The following MTERF4 variants were observed in gnomAD, a reference collection of about 807,000 sequenced individuals.
The protein encoded by MTERF4 is transcription termination factor 4, mitochondrial.
A neutral mutation model predicts 22.5 loss-of-function variants in MTERF4; 17 were observed. The observed-to-expected ratio is 0.75, with a 90% CI of 0.52 to 1.13. The LOEUF (loss-of-function observed/expected upper bound fraction) is 1.13, where lower values mean the gene tolerates loss of function less well. Ranked by LOEUF, MTERF4 falls within the 50% of genes most tolerant of loss-of-function variation. The pLI is 0.00. For synonymous variants in MTERF4, 165 were observed against 175.3 expected (o/e 0.94, Z 0.47); for missense variants, 420 against 466.8 (o/e 0.90, Z 0.92).
the MTERF4 span, among the ~76,000 whole-genome samples, chr2:241,052,775 ATGCTGGTGT>A: frequency 0.015 from 1,673 of 112,270 alleles, 100 homozygotes; most frequent in East Asian, 0.09. Flanking sequence ...GGTACATGGG[ATGCTGGTGT>A]CAGGCAGGTA....
downstream of MTERF4, chr2:241,069,771 C>T: frequency 1.1e-6 from 1 of 904,594 alleles, no homozygotes; most frequent in Non-Finnish European, 1.6e-6. The surrounding 1 kb of genome is among the most constrained non-coding windows in gnomAD (Gnocchi z 4.9). Context: ...TGCCAGCCCA[C>T]ACCCCGCCTC....
downstream of MTERF4, chr2:241,089,507 A>C: frequency 1.4e-6 from 2 of 1,406,178 alleles, no homozygotes; most frequent in South Asian, 1.4e-5. Flanking sequence ...GGAGCTCCGC[A>C]CATGGCAGGA....
At chr2:241,062,798 TG>T in the MTERF4 span, 1 of 1,608,844 alleles carries the variant, frequency 6.2e-7, no homozygotes, top group Non-Finnish European at 8.5e-7. Flanking sequence ...CAGAAATCGA[TG>T]AGTGCCGGTC....
exon 5 of MTERF4, chr2:241,074,691 C>T (rs2125262549): frequency 1.3e-5 from 2 of 152,328 alleles, no homozygotes; most frequent in Non-Finnish European, 2.9e-5. Context: ...GAAAAGTAGA[C>T]TCTTTAATGG....
intron 4 of MTERF4, among the ~76,000 whole-genome samples, chr2:241,078,723 G>T (rs1472576360): frequency 6.6e-6 from 1 of 151,884 alleles, no homozygotes; most frequent in Non-Finnish European, 1.5e-5. Context: ...TGTGCTGATG[G>T]ATGCCTGTAT....
chr2:241,099,848 G>A lies in MTERF4; in HGVS notation c.68C>T (p.Ala23Val). Residue 23 changes from alanine (A) to valine (V), a missense_variant, in exon 2 of 4, where the codon GCT (alanine) becomes GTT (valine). By Grantham distance (64) the Ala-to-Val change is moderately conservative. Transcript: ENST00000391980. ...RLIPLTWACM[A>V]RQTPHLGEQR... ...TTCTCCAAGATGAGGAGTCTGCCTA[G>A]CCATACAGGCCCAGGTGAGGGGGAT... 1 of 1,613,896 alleles carries A rather than the reference G, an allele frequency of 6.2e-7. No homozygotes were observed. The highest frequency in any genetic ancestry group is 1.7e-5 in the Admixed American group (1 of 60,008).
chr2:241,055,372 T>C, the MTERF4 span, among the ~76,000 whole-genome samples: 1 of 152,160 alleles, frequency 6.6e-6, no homozygotes, highest in Non-Finnish European at 1.5e-5. Flanking sequence ...AGTTTTAACT[T>C]CCAGAGGGAA....
chr2:241,094,493 CACCT>C, downstream of MTERF4: 1 of 454,712 alleles, frequency 2.2e-6, no homozygotes, highest in Non-Finnish European at 4.6e-6. The surrounding 1 kb of genome is among the most constrained non-coding windows in gnomAD (Gnocchi z 4.3). Context: ...ATGCAGCTCA[CACCT>C]ACCAGGGGTA....
downstream of MTERF4, chr2:241,071,933 C>T: frequency 7.3e-7 from 1 of 1,375,204 alleles, no homozygotes; most frequent in Non-Finnish European, 1.0e-6. Flanking sequence ...TCCTCACTGC[C>T]ACTCTCACCA....
At chr2:241,071,417 G>T, downstream of MTERF4, 1 of 778,898 alleles carries the variant, frequency 1.3e-6, no homozygotes, top group Non-Finnish European at 2.0e-6. Flanking sequence ...GGGCATCTGG[G>T]GAAGCCACAA....
chr2:241,071,727 GC>G (rs746882591), downstream of MTERF4: 1 of 1,153,902 alleles, frequency 8.7e-7, no homozygotes, highest in East Asian at 2.8e-5. Flanking sequence ...CCAGGTACAT[GC>G]CCCACCCATC....
the MTERF4 span, among the ~76,000 whole-genome samples, chr2:241,059,843 C>G: frequency 6.6e-6 from 1 of 152,114 alleles, no homozygotes; most frequent in African/African-American, 2.4e-5. Flanking sequence ...ACCTGGAATC[C>G]GTACAAGGCA....
chr2:241,056,580 A>ATTTTTTTTTTTTTTTTT, the MTERF4 span, among the ~76,000 whole-genome samples: 5 of 111,224 alleles, frequency 4.5e-5, no homozygotes, highest in Non-Finnish European at 6.7e-5. Context: ...AATAAGTGAA[A>ATTTTTTTTTTTTTTTTT]TTTTTTTTTT....
At chr2:241,082,273 G>T, downstream of MTERF4, 1 of 1,601,446 alleles carries the variant, frequency 6.2e-7, no homozygotes, top group Non-Finnish European at 8.5e-7. Context: ...CTTCTTTGTC[G>T]CAGCCTGTAT....
chr2:241,063,142 G>C, the MTERF4 span, among the ~76,000 whole-genome samples: 24,348 of 152,326 alleles, frequency 0.16, 1,992 homozygotes, highest in East Asian at 0.23. Context: ...TCAGGGCGCA[G>C]AGAAGGTGGG....
the MTERF4 span, among the ~76,000 whole-genome samples, chr2:241,050,842 C>T: frequency 2.6e-5 from 4 of 152,086 alleles, no homozygotes; most frequent in Non-Finnish European, 4.4e-5. Context: ...GGGGGTCCTA[C>T]CAGAGCCCAC....
At position 241,102,241 on chromosome 2, in the gene MTERF4, G is replaced by A. The variant is rs1241617019; in HGVS notation, c.21+12C>T. On this transcript the variant is annotated intron_variant, in intron 1 of 3. Coordinates refer to ENST00000391980, the MANE Select transcript of MTERF4 (RefSeq NM_182501.4). Reference sequence around the variant, plus strand: ...CGACCCGGAGAAGCCCGCGCGCCCAGCTCGAGCTTACCTGACGGCCGAACG... The same window carrying A: ...CGACCCGGAGAAGCCCGCGCGCCCAACTCGAGCTTACCTGACGGCCGAACG... The A allele has an allele frequency of 3.2e-6, 5 of 1,549,190 alleles. No homozygotes were observed. Among genetic ancestry groups the A allele is most frequent in the South Asian group, 1.2e-5 (1 of 84,016 alleles).
downstream of MTERF4, chr2:241,068,977 G>T: frequency 6.4e-7 from 1 of 1,556,840 alleles, no homozygotes; most frequent in Non-Finnish European, 8.7e-7. The surrounding 1 kb of genome is among the most constrained non-coding windows in gnomAD (Gnocchi z 5.3). Context: ...GGGGAGAGGA[G>T]CACCCCACAG....
At chr2:241,055,244 A>G in the MTERF4 span, among the ~76,000 whole-genome samples, 2 of 152,246 alleles carry the variant, frequency 1.3e-5, no homozygotes, top group African/African-American at 2.4e-5. Context: ...TTAAATTCCC[A>G]GAGTTCCAGA....
Sources: gnomAD v4.1 joint callset for allele counts (sites outside exome capture counted in the v4.1 genomes callset) on GRCh38, gnomAD v4.1.1 for gene constraint, Gnocchi (gnomAD v3.1) non-coding constraint, MANE v1.5 for transcripts, NCBI Gene and HGNC (gene_info 2026-07-23, HGNC 2026-07-21) for gene names.